Variants in L3MBTL3 observed in about 807,000 individuals in gnomAD.
The protein encoded by L3MBTL3 is L3MBTL histone methyl-lysine binding protein 3.
L3MBTL3 carries 27 observed loss-of-function variants against 102.3 expected under a neutral mutation model. That is an observed-to-expected ratio of 0.26 (90% CI 0.19 to 0.36). L3MBTL3 has a LOEUF of 0.36. Among genes scored for constraint, L3MBTL3 ranks in the 10% least tolerant of loss-of-function variants. The probability of loss-of-function intolerance (pLI) is 1.00; values close to 1 mark genes in which losing one functional copy is unlikely to be tolerated. For synonymous variants in L3MBTL3, 340 were observed against 320.9 expected (o/e 1.06, Z -0.64); for missense variants, 798 against 955.3 (o/e 0.84, Z 2.17).
intron 10 of L3MBTL3, among the ~76,000 whole-genome samples, chr6:130,061,686 T>TCGGA: frequency 6.6e-6 from 1 of 152,170 alleles, no homozygotes; most frequent in Middle Eastern, 3.4e-3. Context: ...AAGAGGAGGG[T>TCGGA]CAGAGTTTCT....
At chr6:130,057,621 C>T (rs888729918) in intron 9 of L3MBTL3, 124 bp downstream of exon 9, 6 of 794,538 alleles carry the variant, frequency 7.6e-6, no homozygotes, top group Admixed American at 5.3e-5. Context: ...AGTTTTCATG[C>T]GTGTGTTTAT....
Position 130,132,078 on chromosome 6 carries a change from G to A in L3MBTL3, c.1967-1374G>A, listed in dbSNP as rs559498875. Reference sequence around the variant, plus strand: ...AATCTGTACAAGAATGTTTGTAATAGCACTGTTTGTAATAGCACCAAATTA... The same window carrying A: ...AATCTGTACAAGAATGTTTGTAATAACACTGTTTGTAATAGCACCAAATTA... On this transcript the variant is annotated intron_variant, in intron 20 of 22. Transcript: ENST00000361794. Among the ~76,000 whole-genome samples the A allele has an allele frequency of 2.0e-5, 3 of 152,230 alleles. No homozygotes were observed. The East Asian group carries it at 5.8e-4, about 29-fold the overall frequency.
intron 9 of L3MBTL3, among the ~76,000 whole-genome samples, chr6:130,058,697 CAGTT>C (rs765804003): frequency 3.3e-5 from 5 of 152,132 alleles, no homozygotes; most frequent in African/African-American, 9.7e-5. Context: ...TGCAACGACT[CAGTT>C]AGGTCATTGT....
At chr6:130,020,131 G>A (rs909374527) in intron 1 of L3MBTL3, among the ~76,000 whole-genome samples, 46 of 151,306 alleles carry the variant, frequency 3.0e-4, no homozygotes, top group African/African-American at 1.0e-3. Flanking sequence ...GCCGGCGCCG[G>A]GGCCACCGCC....
intron 20 of L3MBTL3, among the ~76,000 whole-genome samples, chr6:130,131,811 G>T (rs1787073836): frequency 6.6e-6 from 1 of 152,244 alleles, no homozygotes; most frequent in South Asian, 2.1e-4. Context: ...GAGTGTAGCA[G>T]TGAGGACGAC....
intron 18 of L3MBTL3, among the ~76,000 whole-genome samples, chr6:130,095,959 A>G (rs571214657): frequency 1.7e-4 from 26 of 152,332 alleles, no homozygotes; most frequent in African/African-American, 5.3e-4. Flanking sequence ...AACTGCAGCA[A>G]TATGTTTAGA....
intron 1 of L3MBTL3, chr6:130,019,294 G>A (rs1160515434): frequency 1.4e-5 from 2 of 145,074 alleles, no homozygotes; most frequent in Non-Finnish European, 3.1e-5. Context: ...CGCGGCCGCC[G>A]AGGCGGGGGG....
chr6:130,066,317 T>TAA, intron 10 of L3MBTL3, 36 bp from the exon 11 acceptor site: 1 of 1,237,766 alleles, frequency 8.1e-7, no homozygotes, highest in Non-Finnish European at 1.1e-6. Context: ...TATTCTGAGT[T>TAA]AAAAAAAATA....
intron 2 of L3MBTL3, 103 bp from the exon 3 acceptor site, chr6:130,042,582 C>A: frequency 1.5e-6 from 1 of 645,888 alleles, no homozygotes; most frequent in Non-Finnish European, 2.7e-6. Flanking sequence ...ATATTGTGAT[C>A]AAGAAAATTA....
At chr6:130,092,100 A>G (rs901566394) in intron 16 of L3MBTL3, among the ~76,000 whole-genome samples, 7 of 152,206 alleles carry the variant, frequency 4.6e-5, no homozygotes, top group East Asian at 3.8e-4. Flanking sequence ...GCCTATATCA[A>G]AATGTCACAT....
In L3MBTL3 at chr6:130,053,646, AC is replaced by A. The variant is rs199631697; in HGVS notation, c.582+656del. On this transcript the variant is annotated intron_variant, in intron 7 of 22. Coordinates refer to ENST00000361794, the MANE Select transcript of L3MBTL3 (RefSeq NM_032438.4). ...CGAGACTGTGTCTCAAAAAAAAAAA[AC>A]AAAAAAAACTATCTGAGTGGTTAAA... Among the ~76,000 whole-genome samples the A allele has an allele frequency of 1.3e-3, 190 of 150,306 alleles. 15 individuals are homozygous for A. The highest frequency in any genetic ancestry group is 7.2e-3 in the East Asian group (37 of 5,120).
intron 10 of L3MBTL3, among the ~76,000 whole-genome samples, chr6:130,064,264 G>A (rs1782097433): frequency 6.6e-6 from 1 of 152,160 alleles, no homozygotes; most frequent in Non-Finnish European, 1.5e-5. Context: ...GGTGAGGAGA[G>A]CTGCTAGGGA....
In L3MBTL3 at chr6:130,049,762, C is replaced by G. The variant is rs1174133281; in HGVS notation, c.221C>G (p.Thr74Ser). 3.7e-6 allele frequency: 6 copies of G among 1,614,070 alleles called. No homozygotes were observed. The highest frequency in any genetic ancestry group is 1.1e-5 in the South Asian group (1 of 91,076). The change falls in exon 5 of 23, where the codon ACC becomes AGC. Residue 74 changes from threonine to serine, a missense_variant. Thr to Ser is a moderately conservative substitution (Grantham distance 58). Coordinates refer to ENST00000361794, the MANE Select transcript of L3MBTL3 (RefSeq NM_032438.4). ...WMVPTAQEAP[T>S]SPPSSRPVFP... ...CCTAAATCTACATCTCCAGCCCCGA[C>G]CTCTCCCCCGAGCTCCAGGCCCGTA...
chr6:130,101,928 G>A (rs562385818), intron 18 of L3MBTL3, among the ~76,000 whole-genome samples: 88 of 152,206 alleles, frequency 5.8e-4, no homozygotes, highest in Admixed American at 1.2e-3. Flanking sequence ...AAATACTACC[G>A]TCTGCCCATG....
At chr6:130,051,548 C>T in intron 6 of L3MBTL3, 140 bp downstream of exon 6, 1 of 719,666 alleles carries the variant, frequency 1.4e-6, no homozygotes, top group East Asian at 2.6e-5. Context: ...TTTAGGGCCA[C>T]ATGGGCCCTA....
chr6:130,042,580 A>G, intron 2 of L3MBTL3, 105 bp from the exon 3 acceptor site: 2 of 640,418 alleles, frequency 3.1e-6, no homozygotes, highest in East Asian at 5.5e-5. Flanking sequence ...GGATATTGTG[A>G]TCAAGAAAAT....
chr6:130,064,082 A>AT (rs1190388312), intron 10 of L3MBTL3, among the ~76,000 whole-genome samples: 2 of 152,170 alleles, frequency 1.3e-5, no homozygotes, highest in African/African-American at 4.8e-5. Context: ...GCGGTATGTC[A>AT]TTTTTTCCTT....
intron 2 of L3MBTL3, among the ~76,000 whole-genome samples, chr6:130,038,997 CAG>C (rs967587740): frequency 6.6e-6 from 1 of 151,890 alleles, no homozygotes; most frequent in Non-Finnish European, 1.5e-5. Flanking sequence ...TTAAAAGAAA[CAG>C]AAGTTTTTTT....
chr6:130,102,299 C>T (rs1222510294), intron 18 of L3MBTL3, among the ~76,000 whole-genome samples: 1 of 152,152 alleles, frequency 6.6e-6, no homozygotes, highest in Non-Finnish European at 1.5e-5. Context: ...CATACCTTTA[C>T]TCTTGAACAA....
Sources: gnomAD v4.1 joint callset for allele counts (sites outside exome capture counted in the v4.1 genomes callset) on GRCh38, gnomAD v4.1.1 for gene constraint, MANE v1.5 for transcripts, NCBI Gene and HGNC (gene_info 2026-07-23, HGNC 2026-07-21) for gene names.